ZNF808: variants seen among roughly 807,000 people sequenced by gnomAD.
ZNF808 encodes the protein zinc finger protein 808.
In ZNF808, 5 loss-of-function variants were observed where a neutral mutation model predicts 8.7. That is an observed-to-expected ratio of 0.58 (90% CI 0.30 to 1.21). The LOEUF is 1.21. Among genes scored for constraint, ZNF808 ranks in the 50% most tolerant of loss-of-function variants. The pLI is 0.07. For missense variants in ZNF808, 1,103 were observed against 1,098.4 expected (o/e 1.00, Z -0.06); for synonymous variants, 380 against 366.0 (o/e 1.04, Z -0.44).
At chr19:52,548,995 T>C (rs326443) in intron 4 of ZNF808, among the ~76,000 whole-genome samples, 53,035 of 151,404 alleles carry the variant, frequency 0.35, 10,475 homozygotes, top group East Asian at 0.52. Flanking sequence ...TTTTTTAAGA[T>C]GGAATATTGC....
At chr19:52,561,409 T>C (rs2059857838) in intron 3 of ZNF808, among the ~76,000 whole-genome samples, 1 of 152,060 alleles carries the variant, frequency 6.6e-6, no homozygotes, top group Non-Finnish European at 1.5e-5. Context: ...CTTGGCAGAC[T>C]ACTGTGCTTA....
chr19:52,561,822 C>T (rs71358884), intron 3 of ZNF808, among the ~76,000 whole-genome samples: 7,923 of 152,246 alleles, frequency 0.052, 239 homozygotes, highest in Middle Eastern at 0.14. Context: ...GCTGGAATTA[C>T]AGGCATGAGC....
At chr19:52,552,700 G>A (rs1003502138) in intron 4 of ZNF808, among the ~76,000 whole-genome samples, 3 of 107,512 alleles carry the variant, frequency 2.8e-5, no homozygotes, top group Non-Finnish European at 5.4e-5. Flanking sequence ...AGTATGTTGT[G>A]TGGTTTTTTT....
At chr19:52,535,685 G>T (rs1195137881) in intron 2 of ZNF808, among the ~76,000 whole-genome samples, 1 of 152,252 alleles carries the variant, frequency 6.6e-6, no homozygotes, top group African/African-American at 2.4e-5. Context: ...GTTATGTTCT[G>T]TGGGCCATCA....
Position 52,543,414 on chromosome 19 carries a change from G to A in ZNF808, c.63+67G>A, listed in dbSNP as rs1465167150. 8.3e-6 allele frequency: 13 copies of A among 1,575,146 alleles called. No individual in the cohort carries two copies. The African/African-American group carries it at 1.6e-4, about 20-fold the overall frequency. On this transcript the variant is annotated intron_variant, in intron 3 of 4. Coordinates refer to ENST00000359798, the MANE Select transcript of ZNF808 (RefSeq NM_001039886.4). ...TTCTGAAATGTAGTAGTATTATATT[G>A]TATTGTAGTAATGTATTGTAGCAGC...
At chr19:52,547,756 TTTTGACATGGAG>T in intron 4 of ZNF808, 118 bp downstream of exon 4, 2 of 1,507,630 alleles carry the variant, frequency 1.3e-6, no homozygotes, top group Non-Finnish European at 1.8e-6. Context: ...TTTTTTTTTT[TTTTGACATGGAG>T]TTTTGCTCTT....
chr19:52,549,808 C>T (rs1220737986), intron 4 of ZNF808, among the ~76,000 whole-genome samples: 9 of 152,108 alleles, frequency 5.9e-5, no homozygotes, highest in East Asian at 1.9e-4. Context: ...CCAATTTCCC[C>T]GTGAGCCCCT....
chr19:52,555,932 G>A lies in ZNF808; in HGVS notation c.*304G>A, dbSNP rs1339268856. 1.5e-6 allele frequency: 1 copy of A among 664,018 alleles called. No homozygotes were observed. The highest frequency in any genetic ancestry group is 1.8e-5 in the African/African-American group (1 of 56,402). The allele number at this position is 664,018 out of a possible 1,614,324, so 41.1% of individuals were successfully genotyped here. A position where few individuals can be genotyped will look rare whatever the true frequency, so the allele number is the denominator to read the frequency against. The stretch of plus-strand genomic sequence containing the variant: ...CACATTCACACCTCGTTGGACATCA[G>A]AGAATCCATACTGGACAGAAATCTT... On this transcript the variant is annotated 3_prime_UTR_variant, in exon 5 of 5. Transcript: ENST00000359798.
downstream of ZNF808, among the ~76,000 whole-genome samples, chr19:52,558,373 TTTTA>T (rs1364490322): frequency 6.9e-6 from 1 of 144,694 alleles, no homozygotes; most frequent in East Asian, 2.1e-4. Context: ...CTGAACTTTG[TTTTA>T]TTTATTTTTT....
At chr19:52,533,741 A>T (rs1194699287) in intron 2 of ZNF808, among the ~76,000 whole-genome samples, 2 of 149,446 alleles carry the variant, frequency 1.3e-5, no homozygotes, top group African/African-American at 4.9e-5. Context: ...CTGTAGTCCC[A>T]GCTACTCAGG....
downstream of ZNF808, among the ~76,000 whole-genome samples, chr19:52,559,454 C>A (rs1431891329): frequency 6.6e-6 from 1 of 152,144 alleles, no homozygotes; most frequent in Non-Finnish European, 1.5e-5. Flanking sequence ...ACATCCCCCT[C>A]TCCGAGATGG....
intron 4 of ZNF808, among the ~76,000 whole-genome samples, chr19:52,551,114 G>A (rs1489704066): frequency 2.0e-5 from 3 of 152,140 alleles, no homozygotes; most frequent in Non-Finnish European, 2.9e-5. Context: ...ACTTTTGGGA[G>A]GGCGAGACGG....
chr19:52,529,090 G>C (rs2059537725), intron 1 of ZNF808, among the ~76,000 whole-genome samples: 1 of 151,954 alleles, frequency 6.6e-6, no homozygotes, highest in African/African-American at 2.4e-5. Flanking sequence ...AATGAAGAAA[G>C]GGGGGCTAGG....
At chr19:52,539,159 C>T (rs1449637721) in intron 2 of ZNF808, among the ~76,000 whole-genome samples, 1 of 123,622 alleles carries the variant, frequency 8.1e-6, no homozygotes, top group African/African-American at 2.6e-5. Context: ...AATTGGTTTC[C>T]TTTTTTCTAG....
intron 1 of ZNF808, among the ~76,000 whole-genome samples, chr19:52,528,142 C>T (rs1427175744): frequency 6.6e-6 from 1 of 152,242 alleles, no homozygotes; most frequent in South Asian, 2.1e-4. Context: ...CAGACCCCAT[C>T]CTTCTCCCAA....
chr19:52,533,390 C>G (rs187621062), intron 2 of ZNF808, among the ~76,000 whole-genome samples: 17 of 152,078 alleles, frequency 1.1e-4, no homozygotes, highest in African/African-American at 3.9e-4. Context: ...TAATGCCTGG[C>G]TAATTTTTAT....
intron 2 of ZNF808, among the ~76,000 whole-genome samples, chr19:52,533,873 G>C (rs1280044152): frequency 1.6e-5 from 2 of 127,364 alleles, no homozygotes; most frequent in African/African-American, 5.9e-5. Context: ...AAAAAGGCAA[G>C]CAACAAGATA....
chr19:52,536,289 T>G (rs921587355), intron 2 of ZNF808, among the ~76,000 whole-genome samples: 2 of 152,116 alleles, frequency 1.3e-5, no homozygotes, highest in Non-Finnish European at 2.9e-5. Flanking sequence ...GTCGCTTAGT[T>G]TTCCTGGTCA....
At position 52,533,009 on chromosome 19, in the gene ZNF808, G is replaced by C. The variant is rs970852003; in HGVS notation, c.-20G>C. On this transcript the variant is annotated splice_region_variant and 5_prime_UTR_variant, in exon 2 of 5. Transcript: ENST00000359798. ...GTTTTTGCCACCACACTCCAGCCTGGGTGAGTGAGCTACACCCTATCTCAA... is the reference window on the plus strand; with the variant it reads ...GTTTTTGCCACCACACTCCAGCCTGCGTGAGTGAGCTACACCCTATCTCAA... The C allele has an allele frequency of 6.5e-6, 1 of 152,676 alleles. No individual in the cohort carries two copies. The highest frequency in any genetic ancestry group is 2.4e-5 in the African/African-American group (1 of 41,432). The allele number at this position is 152,676 out of a possible 1,614,324, so 9.5% of individuals were successfully genotyped here.
Sources: allele counts gnomAD v4.1 joint callset (sites outside exome capture counted in the v4.1 genomes callset), GRCh38; gene constraint gnomAD v4.1.1; transcripts MANE v1.5; gene names NCBI Gene and HGNC (gene_info 2026-07-23, HGNC 2026-07-21).